Variants in KCNC4 observed in about 807,000 individuals in gnomAD.
The protein encoded by KCNC4 is voltage-gated potassium channel KCNC4.
A neutral mutation model predicts 42.8 loss-of-function variants in KCNC4; 23 were observed. The ratio of observed to expected loss-of-function variants is 0.54; its 90% CI spans 0.39 to 0.76. The LOEUF (loss-of-function observed/expected upper bound fraction) is 0.76. Among genes scored for constraint, KCNC4 ranks in the 30% least tolerant of loss-of-function variants. KCNC4 has a pLI of 0.00. For missense variants in KCNC4, 751 were observed against 898.2 expected, an observed-to-expected ratio of 0.84 and a Z score of 2.10; for synonymous variants, 422 against 393.5, an observed-to-expected ratio of 1.07 and a Z score of -0.86.
intron 1 of KCNC4, among the ~76,000 whole-genome samples, chr1:110,217,756 G>A (rs185489602): frequency 7.9e-5 from 12 of 152,246 alleles, no homozygotes; most frequent in East Asian, 7.7e-4. Flanking sequence ...GTTCCTAGGG[G>A]CACCCATGGA....
At chr1:110,274,812 T>C (rs1659690005) in intron 1 of KCNC4, among the ~76,000 whole-genome samples, 2 of 152,198 alleles carry the variant, frequency 1.3e-5, no homozygotes, top group Non-Finnish European at 2.9e-5. Flanking sequence ...GATTGCTATA[T>C]GCAGAAGAAT....
At chr1:110,235,906 A>G (rs957694338), downstream of KCNC4, 2 of 152,162 alleles carry the variant, frequency 1.3e-5, no homozygotes, top group East Asian at 1.9e-4. Flanking sequence ...GTGAACGTCT[A>G]TTTCCTCATC....
chr1:110,241,415 T>A (rs1018162792), exon 4 of KCNC4: 17 of 152,318 alleles, frequency 1.1e-4, no homozygotes, highest in African/African-American at 4.1e-4. Flanking sequence ...TCTCAACTTG[T>A]GGAGTGACAG....
intron 1 of KCNC4, among the ~76,000 whole-genome samples, chr1:110,267,570 GC>G (rs1348130048): frequency 2.0e-5 from 3 of 152,126 alleles, no homozygotes; most frequent in Non-Finnish European, 4.4e-5. Context: ...CTTCATTTCA[GC>G]CTCTCTTAGG....
chr1:110,226,234 G>GT lies in KCNC4; in HGVS notation c.1819+57dup. On this transcript the variant is annotated intron_variant, in intron 3 of 3. Transcript: ENST00000438661. Reference sequence around the variant, plus strand: ...GCCCCCACAGAGCTGAGTCTCCCGAGTCCCCCACCAAGAGCCTGAGGTCCC... The same window carrying GT: ...GCCCCCACAGAGCTGAGTCTCCCGAGTTCCCCCACCAAGAGCCTGAGGTCCC... 4 of 1,529,790 alleles carry GT rather than the reference G, an allele frequency of 2.6e-6. No homozygotes were observed. The South Asian group carries it at 4.5e-5, about 17-fold the overall frequency. The allele number at this position is 1,529,790 out of a possible 1,614,324, so 94.8% of individuals were successfully genotyped here. A position where few individuals can be genotyped will look rare whatever the true frequency, so the allele number is the denominator to read the frequency against.
intron 3 of KCNC4, among the ~76,000 whole-genome samples, chr1:110,230,747 G>A (rs1557863650): frequency 6.6e-6 from 1 of 152,220 alleles, no homozygotes; most frequent in African/African-American, 2.4e-5. Flanking sequence ...ATAGAACCCA[G>A]ATAGCAGGAG....
downstream of KCNC4, chr1:110,234,755 G>C (rs1176598297): frequency 6.6e-6 from 1 of 152,370 alleles, no homozygotes; most frequent in Non-Finnish European, 1.5e-5. Context: ...TCTTGCACCA[G>C]GCTCTGGCGG....
At chr1:110,251,140 A>G (rs144733898), downstream of KCNC4, among the ~76,000 whole-genome samples, 244 of 152,200 alleles carry the variant, frequency 1.6e-3, no homozygotes, top group African/African-American at 5.4e-3. Context: ...CCTCCATGTG[A>G]GGGGCCCCAA....
At chr1:110,248,429 G>A (rs1016485988) in exon 4 of KCNC4, 4 of 131,782 alleles carry the variant, frequency 3.0e-5, no homozygotes, top group African/African-American at 1.0e-4. Context: ...CATGTTATAG[G>A]GTTTTGTTTT....
At chr1:110,250,423 G>A (rs1659230407), downstream of KCNC4, among the ~76,000 whole-genome samples, 1 of 152,190 alleles carries the variant, frequency 6.6e-6, no homozygotes, top group African/African-American at 2.4e-5. Context: ...ACCAAACCAG[G>A]CCTTTGAGTT....
At position 110,210,777 on chromosome 1, in the gene KCNC4, G is replaced by T. The variant is rs1306595502; in HGVS notation, c.-723G>T. ...CGCAGGACCCGAGGCTCGCTCCTGC[G>T]GGCGCGCTTGTTTTCCAGCTGCCGC... On this transcript the variant is annotated 5_prime_UTR_variant, in exon 1 of 4. Transcript: ENST00000438661. Among the ~76,000 whole-genome samples, 2 of 151,532 alleles carry T rather than the reference G, an allele frequency of 1.3e-5. No homozygotes were observed. Among genetic ancestry groups the T allele is most frequent in the Non-Finnish European group, 2.9e-5 (2 of 67,838 alleles).
At chr1:110,250,846 G>A (rs1268631828), downstream of KCNC4, among the ~76,000 whole-genome samples, 1 of 152,172 alleles carries the variant, frequency 6.6e-6, no homozygotes, top group Non-Finnish European at 1.5e-5. Flanking sequence ...GGGGAGGCTA[G>A]GCCAAGCCCA....
intron 1 of KCNC4, 28 bp downstream of exon 1, chr1:110,212,205 A>G (rs1304982051): frequency 1.4e-6 from 2 of 1,436,916 alleles, no homozygotes; most frequent in Non-Finnish European, 9.0e-7. Context: ...GTGTCTCCCC[A>G]TCTTGGGTCT....
rs1177241176 is a variant in KCNC4, at chr1:110,268,610, G to GAAA, written n.31-13909_31-13907dup. Reference sequence around the variant, plus strand: ...GACAGAGCAAGAGACTGTCTCAAAAGAAAAAAAAAAAAAAAAAGAAAAGAA... The same window carrying GAAA: ...GACAGAGCAAGAGACTGTCTCAAAAGAAAAAAAAAAAAAAAAAAAAGAAAAGAA... On this transcript the variant is annotated intron_variant and non_coding_transcript_variant, in intron 1 of 2. Coordinates refer to the KCNC4 transcript ENST00000412512. Among the ~76,000 whole-genome samples, 41 of 82,064 alleles carry GAAA rather than the reference G, an allele frequency of 5.0e-4. 2 individuals carry two copies. Among genetic ancestry groups the GAAA allele is most frequent in the Admixed American group, 1.2e-3 (8 of 6,520 alleles). The allele number at this position is 82,064 out of a possible 152,430, so 53.8% of individuals were successfully genotyped here. A position where few individuals can be genotyped will look rare whatever the true frequency, so the allele number is the denominator to read the frequency against.
intron 1 of KCNC4, among the ~76,000 whole-genome samples, chr1:110,260,805 T>C (rs891296207): frequency 5.3e-5 from 8 of 152,154 alleles, no homozygotes; most frequent in Non-Finnish European, 1.0e-4. Context: ...AGACGTGCGC[T>C]TGTAGTCCCA....
intron 1 of KCNC4, among the ~76,000 whole-genome samples, chr1:110,260,205 AG>A (rs1451275068): frequency 6.6e-6 from 1 of 152,254 alleles, no homozygotes; most frequent in East Asian, 1.9e-4. Context: ...AACTAGGAAC[AG>A]GGGGGCTTTT....
At chr1:110,261,922 G>A (rs1482140029) in intron 1 of KCNC4, among the ~76,000 whole-genome samples, 1 of 152,172 alleles carries the variant, frequency 6.6e-6, no homozygotes, top group Non-Finnish European at 1.5e-5. Context: ...CCATTTTAAA[G>A]GTGATGCTTT....
At chr1:110,217,481 C>T (rs1320701764) in intron 1 of KCNC4, among the ~76,000 whole-genome samples, 1 of 152,134 alleles carries the variant, frequency 6.6e-6, no homozygotes, top group Non-Finnish European at 1.5e-5. Flanking sequence ...GTCAGGTGAC[C>T]AGCTCAAGCA....
intron 1 of KCNC4, among the ~76,000 whole-genome samples, chr1:110,262,476 A>AGT (rs1659472215): frequency 6.6e-6 from 1 of 152,114 alleles, no homozygotes; most frequent in African/African-American, 2.4e-5. Flanking sequence ...ACCCTGCCCC[A>AGT]GTGCCTACCT....
Sources: gnomAD v4.1 joint callset for allele counts (sites outside exome capture counted in the v4.1 genomes callset) on GRCh38, gnomAD v4.1.1 for gene constraint, MANE v1.5 for transcripts, NCBI Gene and HGNC (gene_info 2026-07-23, HGNC 2026-07-21) for gene names.